Variants in PLS1 observed in about 807,000 individuals in gnomAD.
The protein encoded by PLS1 is plastin-1.
PLS1 carries 32 observed loss-of-function variants against 73.7 expected under a neutral mutation model. The observed-to-expected ratio is 0.43, with a 90% CI of 0.33 to 0.58. The LOEUF is 0.58. PLS1 is among the 20% of genes least tolerant of loss of function. PLS1 has a pLI of 0.04. For missense variants in PLS1, 633 were observed against 740.5 expected (o/e 0.85, Z 1.68); for synonymous variants, 217 against 261.3 (o/e 0.83, Z 1.63).
At chr3:142,657,367 C>A (rs1046340051) in intron 1 of PLS1, among the ~76,000 whole-genome samples, 4 of 152,102 alleles carry the variant, frequency 2.6e-5, no homozygotes, top group African/African-American at 9.7e-5. Flanking sequence ...CTAAGTAAGC[C>A]CTCTAGGAGG....
At chr3:142,704,620 T>C in intron 14 of PLS1, 34 bp downstream of exon 14, 1 of 1,298,946 alleles carries the variant, frequency 7.7e-7, no homozygotes, top group Non-Finnish European at 1.1e-6. Context: ...TTTTTTTTTG[T>C]AGGTATAGGA....
At chr3:142,678,683 T>C (rs2037776875) in intron 6 of PLS1, among the ~76,000 whole-genome samples, 1 of 151,362 alleles carries the variant, frequency 6.6e-6, no homozygotes, top group South Asian at 2.1e-4. Context: ...TGTTGGACAT[T>C]TGGGTTGGTT....
intron 5 of PLS1, among the ~76,000 whole-genome samples, chr3:142,676,740 C>T (rs1270719052): frequency 1.3e-5 from 2 of 152,134 alleles, no homozygotes; most frequent in Non-Finnish European, 2.9e-5. Context: ...TTTTTTCTCA[C>T]TATGTTGTAA....
intron 1 of PLS1, among the ~76,000 whole-genome samples, chr3:142,609,910 G>T (rs1211712683): frequency 6.6e-6 from 1 of 152,062 alleles, no homozygotes; most frequent in African/African-American, 2.4e-5. Context: ...GCTCTTTCGC[G>T]CAGGCTGGAG....
intron 1 of PLS1, among the ~76,000 whole-genome samples, chr3:142,650,521 C>T (rs1429970972): frequency 1.3e-5 from 2 of 152,110 alleles, no homozygotes; most frequent in Non-Finnish European, 2.9e-5. Context: ...TAACGCTTTA[C>T]AAAAGCCTTG....
At chr3:142,611,092 CTT>C (rs2036113497) in intron 1 of PLS1, among the ~76,000 whole-genome samples, 1 of 152,222 alleles carries the variant, frequency 6.6e-6, no homozygotes, top group African/African-American at 2.4e-5. Context: ...TTCCAATAAA[CTT>C]TATTTGTGGG....
At chr3:142,694,417 T>C in intron 10 of PLS1, 52 bp from the exon 11 acceptor site, 1 of 1,145,166 alleles carries the variant, frequency 8.7e-7, no homozygotes, top group Non-Finnish European at 1.3e-6. Context: ...TAACATATAG[T>C]TCCTGGTTCC....
In PLS1 at chr3:142,697,998, C is replaced by T. The variant is rs781295133; in HGVS notation, c.1302C>T (p.Ile434=). The change falls in exon 12 of 16, where the codon ATC becomes ATT. Residue 434 remains isoleucine (I), a synonymous_variant. Coordinates refer to ENST00000457734, the MANE Select transcript of PLS1 (RefSeq NM_001145319.2). ...ALVIFQLYEM[I]RVPVNWSHVN... is the part of the protein sequence containing the mutation. ...TGATCTTTCAGCTCTATGAGATGAT[C>T]CGAGTGCCAGTCAACTGGAGCCATG... 2 of 1,613,588 alleles carry T rather than the reference C, an allele frequency of 1.2e-6. No individual in the cohort carries two copies. Among genetic ancestry groups the T allele is most frequent in the Non-Finnish European group, 1.7e-6 (2 of 1,179,556 alleles).
At chr3:142,602,047 C>T (rs1348151715) in intron 1 of PLS1, among the ~76,000 whole-genome samples, 4 of 151,708 alleles carry the variant, frequency 2.6e-5, no homozygotes, top group African/African-American at 9.7e-5. Flanking sequence ...GCTGGTGGAA[C>T]CACCAACATT....
chr3:142,669,854 A>G (rs892792651), intron 3 of PLS1, among the ~76,000 whole-genome samples: 2 of 152,226 alleles, frequency 1.3e-5, no homozygotes, highest in African/African-American at 4.8e-5. Flanking sequence ...ATAATTGAAT[A>G]AATATTTATG....
Position 142,712,221 on chromosome 3 carries a change from T to C in PLS1, c.*214T>C. The C allele has an allele frequency of 2.4e-6, 1 of 411,482 alleles. No homozygotes were observed. The highest frequency in any genetic ancestry group is 3.7e-5 in the East Asian group (1 of 27,326). The allele number at this position is 411,482 out of a possible 1,614,324, so 25.5% of individuals were successfully genotyped here. A position where few individuals can be genotyped will look rare whatever the true frequency, so the allele number is the denominator to read the frequency against. ...TTACCAACTGATACAGATAATAGAA[T>C]ATATTCATAATCAAGCTGATACTTC... On this transcript the variant is annotated 3_prime_UTR_variant, in exon 16 of 16. Coordinates refer to ENST00000457734, the MANE Select transcript of PLS1 (RefSeq NM_001145319.2).
intron 4 of PLS1, among the ~76,000 whole-genome samples, chr3:142,675,488 T>G (rs1215059609): frequency 6.6e-6 from 1 of 152,164 alleles, no homozygotes; most frequent in African/African-American, 2.4e-5. Context: ...GTTCATGTCA[T>G]TCTCCTGCCT....
chr3:142,702,055 A>C (rs576387156), intron 12 of PLS1, among the ~76,000 whole-genome samples: 1 of 152,312 alleles, frequency 6.6e-6, no homozygotes, highest in South Asian at 2.1e-4. Flanking sequence ...AATTCTTTTA[A>C]AAACTTTTTA....
At chr3:142,679,211 C>T (rs2037794663) in intron 6 of PLS1, among the ~76,000 whole-genome samples, 1 of 151,800 alleles carries the variant, frequency 6.6e-6, no homozygotes, top group Admixed American at 6.6e-5. Flanking sequence ...AATTTTCTCC[C>T]ATTTTGTAGG....
chr3:142,600,806 T>A (rs1205593899), intron 1 of PLS1, among the ~76,000 whole-genome samples: 1 of 137,322 alleles, frequency 7.3e-6, no homozygotes, highest in African/African-American at 2.7e-5. Context: ...AGAGAGCAGT[T>A]GAGAGGAGAG....
At chr3:142,636,585 T>A (rs148412790) in intron 1 of PLS1, among the ~76,000 whole-genome samples, 28 of 152,316 alleles carry the variant, frequency 1.8e-4, no homozygotes, top group African/African-American at 5.8e-4. Flanking sequence ...TTGGACTTCA[T>A]CAAAATGTAA....
At position 142,705,861 on chromosome 3, in the gene PLS1, C is replaced by T. The variant is rs147573410; in HGVS notation, c.1629+1275C>T. On this transcript the variant is annotated intron_variant, in intron 14 of 15. Coordinates refer to ENST00000457734, the MANE Select transcript of PLS1 (RefSeq NM_001145319.2). Reference sequence around the variant, plus strand: ...AGTCCTAGTTCAATTGATTTCCACCCCCCCTTTTCTATCTTGGAAGAAACT... The same window carrying T: ...AGTCCTAGTTCAATTGATTTCCACCTCCCCTTTTCTATCTTGGAAGAAACT... Among the ~76,000 whole-genome samples, 1,344 of 152,254 alleles carry T rather than the reference C, an allele frequency of 8.8e-3. 6 individuals are homozygous for T. The highest frequency in any genetic ancestry group is 0.031 in the Middle Eastern group (9 of 292).
chr3:142,644,335 C>T (rs368215951), intron 1 of PLS1, among the ~76,000 whole-genome samples: 2 of 151,988 alleles, frequency 1.3e-5, no homozygotes, highest in African/African-American at 2.4e-5. Flanking sequence ...ACTGCAGCCT[C>T]GACTTCCCAG....
intron 1 of PLS1, among the ~76,000 whole-genome samples, chr3:142,628,910 T>C (rs2036490509): frequency 6.6e-6 from 1 of 152,218 alleles, no homozygotes; most frequent in Non-Finnish European, 1.5e-5. Context: ...TTTCAAAAGC[T>C]GTATAGAGTC....
Sources: gnomAD v4.1 joint callset for allele counts (sites outside exome capture counted in the v4.1 genomes callset) on GRCh38, gnomAD v4.1.1 for gene constraint, MANE v1.5 for transcripts, NCBI Gene and HGNC (gene_info 2026-07-23, HGNC 2026-07-21) for gene names.